The following SLC12A7 variants were observed in gnomAD, a reference collection of about 807,000 sequenced individuals.
The protein encoded by SLC12A7 is K-Cl cotransporter 4.
In SLC12A7, 100 loss-of-function variants were observed where a neutral mutation model predicts 120.6. That is an observed-to-expected ratio of 0.83 (90% CI 0.71 to 0.98). The LOEUF is 0.98. SLC12A7 is among the 50% of genes least tolerant of loss of function. The pLI is 0.00. For missense variants in SLC12A7, 1,373 were observed against 1,548.1 expected (o/e 0.89, Z 1.90); for synonymous variants, 760 against 678.0 (o/e 1.12, Z -1.88).
intron 22 of SLC12A7, among the ~76,000 whole-genome samples, chr5:1,053,835 T>C (rs1181714743): frequency 6.6e-6 from 1 of 152,248 alleles, no homozygotes; most frequent in Non-Finnish European, 1.5e-5. Context: ...GGAAGCCGTC[T>C]GGGTGGCCCA....
the SLC12A7 span, among the ~76,000 whole-genome samples, chr5:1,117,421 T>C: frequency 1.3e-5 from 2 of 152,192 alleles, no homozygotes; most frequent in Admixed American, 1.3e-4. This position sits in a 1 kb window ranked among gnomAD's most constrained non-coding sequence, Gnocchi z 4.5. Context: ...ACTTAGTTTA[T>C]AGTTAAAATA....
chr5:1,057,133 C>G, intron 22 of SLC12A7: 1 of 254,996 alleles, frequency 3.9e-6, no homozygotes, highest in South Asian at 1.3e-4. Context: ...ACCCTAGGTC[C>G]TACAAGGACC....
chr5:1,119,631 G>A, the SLC12A7 span, among the ~76,000 whole-genome samples: 6 of 152,360 alleles, frequency 3.9e-5, no homozygotes, highest in South Asian at 6.2e-4. Flanking sequence ...CGGGAACAAC[G>A]GACTTTGAGC....
intron 8 of SLC12A7, among the ~76,000 whole-genome samples, 193 bp from the exon 9 acceptor site, chr5:1,081,937 C>T (rs998571079): frequency 3.3e-5 from 5 of 152,362 alleles, no homozygotes; most frequent in South Asian, 2.1e-4. Context: ...TCTGCGTCTA[C>T]GGAGGGAAGG....
intron 8 of SLC12A7, among the ~76,000 whole-genome samples, chr5:1,083,154 CCG>C (rs1337832995): frequency 1.8e-5 from 1 of 56,588 alleles, no homozygotes. Context: ...TCCAGGCTTC[CCG>C]TCTCGGGTTC....
In SLC12A7 at chr5:1,101,402, G is replaced by C. The variant is rs183754007; in HGVS notation, c.125-7154C>G. Among the ~76,000 whole-genome samples, 63 of 152,322 alleles carry C rather than the reference G, an allele frequency of 4.1e-4. 1 individual carries two copies. In the East Asian group the frequency reaches 0.011, roughly 27 times the overall value. ...GCCCGGGACTGACAGCGTCTGGCCA[G>C]CAGGCCCGACCTGGGTCCAGGCCCC... On this transcript the variant is annotated intron_variant, in intron 1 of 23. Coordinates refer to ENST00000264930, the MANE Select transcript of SLC12A7 (RefSeq NM_006598.3).
At chr5:1,086,449 A>G (rs1290808910) in intron 6 of SLC12A7, among the ~76,000 whole-genome samples, 3 of 152,206 alleles carry the variant, frequency 2.0e-5, no homozygotes, top group Non-Finnish European at 4.4e-5. Context: ...TGCTTTGAGC[A>G]TGCCTGTTTT....
intron 15 of SLC12A7, among the ~76,000 whole-genome samples, chr5:1,075,005 G>C (rs73028859): frequency 0.065 from 9,900 of 152,120 alleles, 1,066 homozygotes; most frequent in African/African-American, 0.23. Context: ...GGGAGGGTGG[G>C]TGCTGGGGCA....
upstream of SLC12A7, among the ~76,000 whole-genome samples, chr5:1,113,324 G>T (rs1743177909): frequency 6.6e-6 from 1 of 152,236 alleles, no homozygotes; most frequent in Non-Finnish European, 1.5e-5. Flanking sequence ...CTAAAAGGCA[G>T]CTGGAGGGGA....
chr5:1,058,816 G>A (rs1267350357), intron 21 of SLC12A7, among the ~76,000 whole-genome samples: 5 of 152,132 alleles, frequency 3.3e-5, no homozygotes, highest in African/African-American at 7.2e-5. Context: ...AGCCAGCGCC[G>A]CCCACCTGGC....
chr5:1,145,194 A>G, the SLC12A7 span, among the ~76,000 whole-genome samples: 2 of 152,262 alleles, frequency 1.3e-5, no homozygotes, highest in African/African-American at 4.8e-5. This position sits in a 1 kb window ranked among gnomAD's most constrained non-coding sequence, Gnocchi z 4.4. Flanking sequence ...CTCTGGAGAC[A>G]GGACAGTGAG....
intron 20 of SLC12A7, among the ~76,000 whole-genome samples, chr5:1,062,379 G>A (rs1030374023): frequency 4.6e-5 from 7 of 152,168 alleles, no homozygotes; most frequent in South Asian, 2.1e-4. Context: ...GCAAAGCCTC[G>A]TCCAAACAAG....
At chr5:1,146,421 A>G in the SLC12A7 span, among the ~76,000 whole-genome samples, 1 of 152,166 alleles carries the variant, frequency 6.6e-6, no homozygotes. The surrounding 1 kb of genome is among the most constrained non-coding windows in gnomAD (Gnocchi z 6.5). Context: ...GGGTGGGAGC[A>G]GTGGTGGCCT....
the SLC12A7 span, among the ~76,000 whole-genome samples, chr5:1,141,660 A>T: frequency 0.13 from 20,532 of 152,114 alleles, 1,550 homozygotes; most frequent in Middle Eastern, 0.23. Context: ...AATTTTTTTT[A>T]AAAAATGAAG....
upstream of SLC12A7, among the ~76,000 whole-genome samples, chr5:1,115,258 CTG>C (rs1187887601): frequency 6.6e-6 from 1 of 152,194 alleles, no homozygotes; most frequent in East Asian, 1.9e-4. Flanking sequence ...TGGTTACATT[CTG>C]TGTGTAGATT....
In SLC12A7 at chr5:1,111,926, G is replaced by A; in HGVS notation, c.66C>T (p.Ala22=). 1 of 1,282,424 alleles carries A rather than the reference G, an allele frequency of 7.8e-7. No homozygotes were observed. The highest frequency in any genetic ancestry group is 9.9e-7 in the Non-Finnish European group (1 of 1,013,264). The allele number at this position is 1,282,424 out of a possible 1,614,324, so 79.4% of individuals were successfully genotyped here. ...AHADGGGDET[A]ERTEAPGTPE... ...GGGTGCCCGGAGCCTCCGTCCGCTC[G>A]GCAGTCTCGTCCCCGCCGCCGTCGG... The change falls in exon 1 of 24, where the codon GCC becomes GCT. Residue 22 remains alanine (A), a synonymous_variant. Transcript: ENST00000264930.
At chr5:1,054,164 G>C (rs960000296) in intron 22 of SLC12A7, among the ~76,000 whole-genome samples, 3 of 152,176 alleles carry the variant, frequency 2.0e-5, no homozygotes, top group African/African-American at 7.2e-5. Context: ...CCCTGCCCCT[G>C]TCTGGCCAAG....
At chr5:1,138,000 G>T in the SLC12A7 span, among the ~76,000 whole-genome samples, 1 of 152,272 alleles carries the variant, frequency 6.6e-6, no homozygotes. Context: ...CCTGGAGCAG[G>T]GATAGCCGCC....
At chr5:1,138,217 A>ACAG in the SLC12A7 span, among the ~76,000 whole-genome samples, 29 of 152,058 alleles carry the variant, frequency 1.9e-4, no homozygotes, top group African/African-American at 7.0e-4. Flanking sequence ...CAAACCTTCC[A>ACAG]CATCATTGAA....
Sources: gnomAD v4.1 joint callset for allele counts (sites outside exome capture counted in the v4.1 genomes callset) on GRCh38, gnomAD v4.1.1 for gene constraint, Gnocchi (gnomAD v3.1) non-coding constraint, MANE v1.5 for transcripts, NCBI Gene and HGNC (gene_info 2026-07-23, HGNC 2026-07-21) for gene names.